TSPAN5: variants seen among roughly 807,000 people sequenced by gnomAD.
TSPAN5 encodes the protein tetraspanin-5.
TSPAN5 carries 10 observed loss-of-function variants against 37.1 expected under a neutral mutation model. The ratio of observed to expected loss-of-function variants is 0.27; its 90% CI spans 0.17 to 0.46. TSPAN5 has a LOEUF of 0.46. Among genes scored for constraint, TSPAN5 ranks in the 20% least tolerant of loss-of-function variants. TSPAN5 has a pLI of 1.00. For missense variants in TSPAN5, 195 were observed against 326.6 expected (o/e 0.60, Z 3.11); for synonymous variants, 110 against 118.9 (o/e 0.93, Z 0.48).
At chr4:98,581,367 C>T (rs1755365800) in intron 1 of TSPAN5, among the ~76,000 whole-genome samples, 1 of 152,038 alleles carries the variant, frequency 6.6e-6, no homozygotes, top group South Asian at 2.1e-4. Flanking sequence ...TTTTACCAAC[C>T]CAGCTGTATC....
intron 1 of TSPAN5, among the ~76,000 whole-genome samples, chr4:98,526,874 T>C (rs1753974882): frequency 6.6e-6 from 1 of 152,234 alleles, no homozygotes; most frequent in Non-Finnish European, 1.5e-5. Context: ...TACTATTTCA[T>C]GAAGCTTTTT....
Position 98,508,061 on chromosome 4 carries a change from G to C in TSPAN5, c.82-333C>G, listed in dbSNP as rs180840815. Among the ~76,000 whole-genome samples the C allele has an allele frequency of 3.3e-5, 5 of 152,256 alleles. No individual in the cohort carries two copies. The East Asian group carries it at 9.6e-4, about 29-fold the overall frequency. On this transcript the variant is annotated intron_variant, in intron 1 of 7. Transcript: ENST00000305798. ...GAGGAAACGGATTCCCCATGGATCT[G>C]AGGCCTGTGGTCACTAGAAAATGGA...
intron 1 of TSPAN5, among the ~76,000 whole-genome samples, chr4:98,517,617 G>C (rs1294298951): frequency 6.6e-6 from 1 of 151,976 alleles, no homozygotes; most frequent in Non-Finnish European, 1.5e-5. Context: ...TTGACATTTT[G>C]GCAAGGACTA....
chr4:98,501,552 G>C (rs1321503172), intron 2 of TSPAN5, among the ~76,000 whole-genome samples: 1 of 152,188 alleles, frequency 6.6e-6, no homozygotes, highest in Non-Finnish European at 1.5e-5. Flanking sequence ...AAAGGGCTAG[G>C]TCAAAGGTGA....
chr4:98,639,484 ATTTTTTT>A (rs147127835), intron 1 of TSPAN5, among the ~76,000 whole-genome samples: 1 of 136,638 alleles, frequency 7.3e-6, no homozygotes, highest in Non-Finnish European at 1.6e-5. Context: ...TGACTGGCTA[ATTTTTTT>A]TTTTTTTTTT....
At chr4:98,586,485 C>T (rs1436945034) in intron 1 of TSPAN5, among the ~76,000 whole-genome samples, 1 of 152,154 alleles carries the variant, frequency 6.6e-6, no homozygotes, top group Non-Finnish European at 1.5e-5. Flanking sequence ...AGGTCTAGCA[C>T]ATTTAATATG....
intron 1 of TSPAN5, among the ~76,000 whole-genome samples, chr4:98,539,075 T>A (rs10026812): frequency 0.014 from 2,071 of 151,788 alleles, 37 homozygotes; most frequent in African/African-American, 0.048. Flanking sequence ...CCAGATGTTA[T>A]GATCTCCTTC....
intron 1 of TSPAN5, among the ~76,000 whole-genome samples, chr4:98,584,089 G>C (rs1327540330): frequency 6.6e-6 from 1 of 152,112 alleles, no homozygotes; most frequent in African/African-American, 2.4e-5. Context: ...TAAGAGGTGA[G>C]ATTTTTACGG....
chr4:98,532,866 T>C (rs1304154551), intron 1 of TSPAN5, among the ~76,000 whole-genome samples: 3 of 152,220 alleles, frequency 2.0e-5, no homozygotes, highest in African/African-American at 4.8e-5. Flanking sequence ...ATATGTTCCA[T>C]TGATACCTAG....
At chr4:98,511,643 G>T (rs940204282) in intron 1 of TSPAN5, among the ~76,000 whole-genome samples, 4 of 152,122 alleles carry the variant, frequency 2.6e-5, no homozygotes, top group Admixed American at 2.0e-4. Context: ...AGTGCAGGCT[G>T]AATTTTGAAA....
chr4:98,633,291 T>C lies in TSPAN5; in HGVS notation c.81+24855A>G, dbSNP rs550189543. Among the ~76,000 whole-genome samples the C allele has an allele frequency of 3.3e-5, 5 of 152,302 alleles. No individual in the cohort carries two copies. The South Asian group carries it at 1.0e-3, about 32-fold the overall frequency. On this transcript the variant is annotated intron_variant, in intron 1 of 7. Coordinates refer to ENST00000305798, the MANE Select transcript of TSPAN5 (RefSeq NM_005723.4). ...TAAAATGAAATGCAAACACTAAAAC[T>C]ACGCTACAACAGTTTTCCCTCACCC...
chr4:98,575,198 A>G (rs538838682), intron 1 of TSPAN5, among the ~76,000 whole-genome samples: 2 of 152,334 alleles, frequency 1.3e-5, no homozygotes, highest in Non-Finnish European at 2.9e-5. Flanking sequence ...CCATATATAC[A>G]AATATCTGGA....
intron 1 of TSPAN5, among the ~76,000 whole-genome samples, chr4:98,652,808 C>G (rs1757217206): frequency 6.6e-6 from 1 of 152,230 alleles, no homozygotes; most frequent in African/African-American, 2.4e-5. Context: ...TTACTGTGGA[C>G]ATTAAAACAA....
chr4:98,565,593 C>G (rs1578996403), intron 1 of TSPAN5, among the ~76,000 whole-genome samples: 1 of 152,194 alleles, frequency 6.6e-6, no homozygotes, highest in Non-Finnish European at 1.5e-5. Flanking sequence ...TGTGACACCA[C>G]CTACATACAT....
rs891388254 is a variant in TSPAN5, at chr4:98,486,888, G to C, written c.133-4C>G. On this transcript the variant is annotated splice_polypyrimidine_tract_variant and splice_region_variant and intron_variant, in intron 2 of 7. Transcript: ENST00000305798. Reference sequence around the variant, plus strand: ...AAGAGATGTTGGACAGAACTCCCTGGGAGCAGAAAAGAACACACAACAAGG... The same window carrying C: ...AAGAGATGTTGGACAGAACTCCCTGCGAGCAGAAAAGAACACACAACAAGG... 6.2e-7 allele frequency: 1 copy of C among 1,613,318 alleles called. No homozygotes were observed. Among genetic ancestry groups the C allele is most frequent in the African/African-American group, 1.3e-5 (1 of 74,870 alleles).
At chr4:98,575,632 C>T (rs1465729667) in intron 1 of TSPAN5, among the ~76,000 whole-genome samples, 3 of 152,072 alleles carry the variant, frequency 2.0e-5, no homozygotes, top group Non-Finnish European at 4.4e-5. Context: ...AAAACAACAG[C>T]AGCAAAATCT....
At chr4:98,585,910 T>A (rs574486044) in intron 1 of TSPAN5, among the ~76,000 whole-genome samples, 1 of 152,348 alleles carries the variant, frequency 6.6e-6, no homozygotes, top group African/African-American at 2.4e-5. Flanking sequence ...GCAGGCTACA[T>A]ATTCAGGTGG....
chr4:98,482,217 T>A, intron 3 of TSPAN5, 42 bp from the exon 4 acceptor site: 1 of 1,579,966 alleles, frequency 6.3e-7, no homozygotes, highest in Non-Finnish European at 8.6e-7. Flanking sequence ...TTATAAGGGC[T>A]ATTTTGATCA....
intron 1 of TSPAN5, among the ~76,000 whole-genome samples, chr4:98,625,336 T>A (rs1756576565): frequency 6.6e-6 from 1 of 152,188 alleles, no homozygotes; most frequent in Non-Finnish European, 1.5e-5. Flanking sequence ...TATAAGGAAA[T>A]GAAGGTGATG....
Sources: gnomAD v4.1 joint callset for allele counts (sites outside exome capture counted in the v4.1 genomes callset) on GRCh38, gnomAD v4.1.1 for gene constraint, MANE v1.5 for transcripts, NCBI Gene and HGNC (gene_info 2026-07-23, HGNC 2026-07-21) for gene names.